Variants in LRFN5 observed in about 807,000 individuals in gnomAD.
LRFN5 encodes leucine-rich repeat and fibronectin type-III domain-containing protein 5.
In LRFN5, 24 loss-of-function variants were observed where a neutral mutation model predicts 45.6. That is an observed-to-expected ratio of 0.53 (90% confidence interval 0.38 to 0.74). The LOEUF (loss-of-function observed/expected upper bound fraction) is 0.74. Among genes scored for constraint, LRFN5 ranks in the 30% least tolerant of loss-of-function variants. The pLI, the probability that LRFN5 is intolerant of heterozygous loss-of-function variation, is 0.00. For synonymous variants in LRFN5, 340 were observed against 313.8 expected (o/e 1.08, Z -0.88); for missense variants, 776 against 861.5 (o/e 0.90, Z 1.24).
intron 1 of LRFN5, among the ~76,000 whole-genome samples, chr14:41,702,106 A>G (rs1405686499): frequency 6.6e-6 from 1 of 152,182 alleles, no homozygotes; most frequent in Non-Finnish European, 1.5e-5. Flanking sequence ...AGATGAATAC[A>G]GACCCAATGT....
chr14:41,764,375 CAT>C (rs1212923095), intron 1 of LRFN5, among the ~76,000 whole-genome samples: 1 of 152,070 alleles, frequency 6.6e-6, no homozygotes, highest in African/African-American at 2.4e-5. Flanking sequence ...TAAGTTAACA[CAT>C]GTTTTATGGT....
intron 2 of LRFN5, among the ~76,000 whole-genome samples, chr14:41,866,662 A>T (rs1200114465): frequency 6.6e-6 from 1 of 152,128 alleles, no homozygotes; most frequent in Admixed American, 6.6e-5. Flanking sequence ...AAAGCCTTCT[A>T]TGTTTTTGTT....
intron 1 of LRFN5, among the ~76,000 whole-genome samples, chr14:41,648,034 CTAT>C (rs1879902892): frequency 6.6e-6 from 1 of 152,128 alleles, no homozygotes; most frequent in African/African-American, 2.4e-5. Flanking sequence ...ATATCTACAT[CTAT>C]ATCTTTTTAT....
chr14:41,870,837 G>A (rs1237191423), intron 2 of LRFN5, among the ~76,000 whole-genome samples: 1 of 152,104 alleles, frequency 6.6e-6, no homozygotes, highest in African/African-American at 2.4e-5. Context: ...CCAGGGAGTA[G>A]CAATAACAGG....
intron 1 of LRFN5, among the ~76,000 whole-genome samples, chr14:41,677,866 A>G (rs189597941): frequency 1.3e-5 from 2 of 152,232 alleles, no homozygotes; most frequent in East Asian, 1.9e-4. Context: ...TTAAAAAATC[A>G]GTCTACAAAC....
chr14:41,611,764 T>C (rs1204199502), intron 1 of LRFN5, among the ~76,000 whole-genome samples: 1 of 152,200 alleles, frequency 6.6e-6, no homozygotes, highest in Admixed American at 6.5e-5. Flanking sequence ...AATATGAGAT[T>C]CCTGTGCTGG....
intron 2 of LRFN5, among the ~76,000 whole-genome samples, chr14:41,872,798 T>G (rs1248010021): frequency 6.6e-6 from 1 of 152,208 alleles, no homozygotes; most frequent in African/African-American, 2.4e-5. Context: ...GGGTAAAAAT[T>G]AGGTTCTTCT....
At chr14:41,880,912 T>G (rs769887340) in intron 2 of LRFN5, among the ~76,000 whole-genome samples, 3 of 152,226 alleles carry the variant, frequency 2.0e-5, no homozygotes, top group Non-Finnish European at 2.9e-5. Flanking sequence ...TTTGCCTTTT[T>G]CTAATTTATA....
chr14:41,634,908 A>G (rs1335445526), intron 1 of LRFN5, among the ~76,000 whole-genome samples: 1 of 152,122 alleles, frequency 6.6e-6, no homozygotes, highest in Non-Finnish European at 1.5e-5. Flanking sequence ...TAGTCCCCTG[A>G]TAAATAATTA....
At chr14:41,609,276 C>T (rs374071053) in intron 1 of LRFN5, among the ~76,000 whole-genome samples, 1 of 152,102 alleles carries the variant, frequency 6.6e-6, no homozygotes, top group African/African-American at 2.4e-5. Flanking sequence ...TTCTCTCCAG[C>T]TGTATTGTCC....
rs537697121 is a variant in LRFN5, at chr14:41,745,747, A to G, written c.-196-21107A>G. Among the ~76,000 whole-genome samples, 10 of 151,934 alleles carry G rather than the reference A, an allele frequency of 6.6e-5. No homozygotes were observed. In the South Asian group the frequency reaches 1.9e-3, roughly 28 times the overall value. On this transcript the variant is annotated intron_variant, in intron 1 of 5. Transcript: ENST00000298119. ...ACGAAATTATCCTGAACAATTGTAT[A>G]TCTACAAACTGAATAACCCTACATG...
At chr14:41,811,554 C>T (rs1250131324) in intron 2 of LRFN5, among the ~76,000 whole-genome samples, 1 of 152,018 alleles carries the variant, frequency 6.6e-6, no homozygotes, top group Non-Finnish European at 1.5e-5. Flanking sequence ...CATAAATAAA[C>T]ATGGTATATA....
At chr14:41,895,320 CA>C (rs1890902066) in intron 4 of LRFN5, among the ~76,000 whole-genome samples, 1 of 152,072 alleles carries the variant, frequency 6.6e-6, no homozygotes, top group Admixed American at 6.6e-5. Flanking sequence ...AGATTAAATA[CA>C]GCAATTTAAA....
chr14:41,627,483 G>C (rs1247845250), intron 1 of LRFN5, among the ~76,000 whole-genome samples: 1 of 151,996 alleles, frequency 6.6e-6, no homozygotes, highest in Non-Finnish European at 1.5e-5. Flanking sequence ...CTTTTGTCAA[G>C]TGGTTTGATT....
chr14:41,674,014 G>T (rs1172449258), intron 1 of LRFN5, among the ~76,000 whole-genome samples: 1 of 146,526 alleles, frequency 6.8e-6, no homozygotes, highest in East Asian at 2.2e-4. Context: ...TCCCAGACGC[G>T]GTGGCTGCCG....
intron 1 of LRFN5, among the ~76,000 whole-genome samples, chr14:41,679,313 C>T (rs772828169): frequency 1.3e-5 from 2 of 152,090 alleles, no homozygotes; most frequent in Non-Finnish European, 2.9e-5. Flanking sequence ...TTTCCTAACA[C>T]CAGGCAGCAC....
intron 2 of LRFN5, among the ~76,000 whole-genome samples, chr14:41,831,019 C>A (rs1888458402): frequency 6.6e-6 from 1 of 152,194 alleles, no homozygotes; most frequent in Non-Finnish European, 1.5e-5. Flanking sequence ...CTCCAGCTTA[C>A]AACTTTATAC....
intron 1 of LRFN5, among the ~76,000 whole-genome samples, chr14:41,680,502 C>T (rs532992993): frequency 3.3e-5 from 5 of 152,240 alleles, no homozygotes; most frequent in Admixed American, 6.5e-5. Flanking sequence ...CAGATCTTAT[C>T]GGAGATGACC....
At chr14:41,711,424 C>A (rs1193557949) in intron 1 of LRFN5, among the ~76,000 whole-genome samples, 1 of 151,996 alleles carries the variant, frequency 6.6e-6, no homozygotes, top group East Asian at 1.9e-4. Context: ...ATAAAGCCAG[C>A]CCTGGAGAGT....
Sources: gnomAD v4.1 joint callset for allele counts (sites outside exome capture counted in the v4.1 genomes callset) on GRCh38, gnomAD v4.1.1 for gene constraint, MANE v1.5 for transcripts, NCBI Gene and HGNC (gene_info 2026-07-23, HGNC 2026-07-21) for gene names.